The following UNC13C variants were observed in gnomAD, a reference collection of about 807,000 sequenced individuals.
UNC13C encodes the protein unc-13 homolog C.
UNC13C carries 174 observed loss-of-function variants against 245.4 expected under a neutral mutation model. The ratio of observed to expected loss-of-function variants is 0.71; its 90% CI spans 0.63 to 0.80. The LOEUF (loss-of-function observed/expected upper bound fraction) is 0.80. Among genes scored for constraint, UNC13C ranks in the 30% least tolerant of loss-of-function variants. UNC13C has a pLI of 0.00. For missense variants in UNC13C, 2,829 were observed against 2,602.9 expected, an observed-to-expected ratio of 1.09 and a Z score of -1.89; for synonymous variants, 992 against 895.1, an observed-to-expected ratio of 1.11 and a Z score of -1.93.
intron 6 of UNC13C, among the ~76,000 whole-genome samples, chr15:54,237,056 C>G (rs1220011729): frequency 6.6e-6 from 1 of 152,004 alleles, no homozygotes; most frequent in African/African-American, 2.4e-5. Flanking sequence ...TATTTAAGAT[C>G]ACTCAAGTTA....
chr15:53,973,324 C>T (rs986972794), upstream of UNC13C, among the ~76,000 whole-genome samples: 1 of 152,078 alleles, frequency 6.6e-6, no homozygotes, highest in East Asian at 1.9e-4. Context: ...TTATTGAGTA[C>T]CTACTACATA....
chr15:54,605,741 T>C (rs1467118488), intron 30 of UNC13C, among the ~76,000 whole-genome samples: 4 of 152,188 alleles, frequency 2.6e-5, no homozygotes, highest in Non-Finnish European at 4.4e-5. Flanking sequence ...TCAACCAGGA[T>C]GCAGCTAGAA....
At chr15:54,282,185 TA>T (rs2037014371) in intron 10 of UNC13C, among the ~76,000 whole-genome samples, 1 of 152,310 alleles carries the variant, frequency 6.6e-6, no homozygotes, top group African/African-American at 2.4e-5. Context: ...GTAACTACTG[TA>T]AAAAATTTTG....
At chr15:53,991,961 C>T (rs1203466521) in intron 1 of UNC13C, among the ~76,000 whole-genome samples, 2 of 152,032 alleles carry the variant, frequency 1.3e-5, no homozygotes, top group Admixed American at 1.3e-4. Flanking sequence ...ATATTCTTGG[C>T]TGATAGGTTT....
the UNC13C span, among the ~76,000 whole-genome samples, chr15:53,956,264 A>G: frequency 6.6e-6 from 1 of 152,056 alleles, no homozygotes; most frequent in Non-Finnish European, 1.5e-5. Context: ...CGCATCCCAA[A>G]CCTCAGCATC....
At chr15:54,292,682 C>T (rs2037327888) in intron 10 of UNC13C, among the ~76,000 whole-genome samples, 2 of 151,488 alleles carry the variant, frequency 1.3e-5, no homozygotes, top group South Asian at 4.1e-4. Context: ...AGAATTAAAT[C>T]AATTATATTG....
At chr15:53,885,825 A>C in the UNC13C span, among the ~76,000 whole-genome samples, 7 of 152,312 alleles carry the variant, frequency 4.6e-5, no homozygotes, top group Admixed American at 2.0e-4. Context: ...ATAAGTTTGA[A>C]AACCAGTGGA....
chr15:54,579,389 G>A (rs1898103577), intron 30 of UNC13C, among the ~76,000 whole-genome samples: 2 of 152,266 alleles, frequency 1.3e-5, no homozygotes, highest in African/African-American at 4.8e-5. Flanking sequence ...CCAAGGTGCA[G>A]TTTATTCAAA....
chr15:54,395,074 C>T (rs1016358739), intron 18 of UNC13C, among the ~76,000 whole-genome samples: 1 of 151,682 alleles, frequency 6.6e-6, no homozygotes, highest in Non-Finnish European at 1.5e-5. Context: ...CCTGAAAAAA[C>T]CAAATGCCTT....
the UNC13C span, among the ~76,000 whole-genome samples, chr15:53,953,597 G>C: frequency 7.2e-5 from 11 of 152,238 alleles, no homozygotes; most frequent in Admixed American, 7.2e-4. Context: ...ATTGGGGGCA[G>C]TTGCTTTGTG....
intron 4 of UNC13C, among the ~76,000 whole-genome samples, chr15:54,218,031 A>C: frequency 6.6e-6 from 1 of 152,018 alleles, no homozygotes; most frequent in East Asian, 1.9e-4. Context: ...GAAAGTAGAG[A>C]TGAGTAATAT....
At chr15:54,183,838 G>C (rs373139256) in intron 4 of UNC13C, among the ~76,000 whole-genome samples, 1 of 151,392 alleles carries the variant, frequency 6.6e-6, no homozygotes, top group African/African-American at 2.4e-5. Flanking sequence ...AAACTGAGCA[G>C]TGGCACAGGG....
intron 26 of UNC13C, 82 bp downstream of exon 26, chr15:54,533,148 C>T: frequency 9.4e-7 from 1 of 1,064,490 alleles, no homozygotes; most frequent in East Asian, 2.6e-5. Flanking sequence ...TTGTTTTCCT[C>T]TGTGTAAGGT....
intron 2 of UNC13C, among the ~76,000 whole-genome samples, chr15:54,064,971 G>A (rs905146823): frequency 6.6e-6 from 1 of 152,204 alleles, no homozygotes; most frequent in African/African-American, 2.4e-5. Flanking sequence ...TCTAGCTGAT[G>A]AATATTACTT....
At chr15:54,446,262 A>G (rs1890808270) in intron 19 of UNC13C, among the ~76,000 whole-genome samples, 1 of 152,138 alleles carries the variant, frequency 6.6e-6, no homozygotes, top group Non-Finnish European at 1.5e-5. Flanking sequence ...CTTAGAATTG[A>G]CTTGGCAATG....
intron 4 of UNC13C, among the ~76,000 whole-genome samples, chr15:54,167,867 T>A (rs1294169599): frequency 2.0e-5 from 3 of 151,996 alleles, no homozygotes; most frequent in African/African-American, 4.8e-5. Flanking sequence ...AATAAGCATA[T>A]GGAAAAATGC....
chr15:54,599,621 G>A (rs1899293193), intron 30 of UNC13C, among the ~76,000 whole-genome samples: 1 of 152,028 alleles, frequency 6.6e-6, no homozygotes, highest in Admixed American at 6.6e-5. Context: ...TGTTCCTGTA[G>A]TAGTGAAATG....
intron 21 of UNC13C, among the ~76,000 whole-genome samples, chr15:54,500,599 C>G (rs1894163623): frequency 6.6e-6 from 1 of 152,196 alleles, no homozygotes; most frequent in African/African-American, 2.4e-5. Context: ...GACAAAAGAA[C>G]CAGTACCTCA....
At chr15:54,494,314 G>A (rs1893855145) in intron 19 of UNC13C, among the ~76,000 whole-genome samples, 1 of 152,074 alleles carries the variant, frequency 6.6e-6, no homozygotes, top group South Asian at 2.1e-4. Flanking sequence ...CAGATAAACA[G>A]AAATTTTAGT....
Sources: gnomAD v4.1 joint callset for allele counts (sites outside exome capture counted in the v4.1 genomes callset) on GRCh38, gnomAD v4.1.1 for gene constraint, MANE v1.5 for transcripts, NCBI Gene and HGNC (gene_info 2026-07-23, HGNC 2026-07-21) for gene names.